Variants in BCAS1 observed in about 807,000 individuals in gnomAD.
BCAS1 encodes the protein breast carcinoma-amplified sequence 1.
BCAS1 carries 46 observed loss-of-function variants against 65.4 expected under a neutral mutation model. That is an observed-to-expected ratio of 0.70 (90% confidence interval 0.55 to 0.90). The LOEUF is 0.90. BCAS1 is among the 40% of genes least tolerant of loss of function. The probability of loss-of-function intolerance (pLI) is 0.00; values close to 1 mark genes in which losing one functional copy is unlikely to be tolerated. For missense variants in BCAS1, 793 were observed against 771.2 expected (o/e 1.03, Z -0.33); for synonymous variants, 298 against 293.5 (o/e 1.02, Z -0.16).
At chr20:54,055,666 A>C (rs1396172764) in intron 3 of BCAS1, among the ~76,000 whole-genome samples, 1 of 152,222 alleles carries the variant, frequency 6.6e-6, no homozygotes, top group Non-Finnish European at 1.5e-5. Context: ...TATCTAAAAA[A>C]GTGAAAGAAG....
chr20:54,059,898 T>C (rs1056514215), intron 1 of BCAS1, among the ~76,000 whole-genome samples: 6 of 151,594 alleles, frequency 4.0e-5, no homozygotes, highest in Non-Finnish European at 5.9e-5. Flanking sequence ...AGTGTATGAC[T>C]GTGTCTATTG....
intron 12 of BCAS1, among the ~76,000 whole-genome samples, chr20:53,946,518 TATAC>T (rs1441667274): frequency 7.1e-5 from 9 of 126,100 alleles, no homozygotes; most frequent in African/African-American, 3.2e-4. Context: ...TATATATATA[TATAC>T]ACACACACAT....
chr20:54,058,683 T>C lies in BCAS1; in HGVS notation c.36A>G (p.Glu12=), dbSNP rs376460816. ...GNQMSVPQRV[E]DQENEPEAET... ...CTGCTTCTGGTTCATTCTCTTGGTCTTCAACTCTTTGGGGAACACTCATTT... is the reference window on the plus strand; with the variant it reads ...CTGCTTCTGGTTCATTCTCTTGGTCCTCAACTCTTTGGGGAACACTCATTT... The change falls in exon 2 of 13, where the codon GAA becomes GAG. Residue 12 remains glutamate (E), a synonymous_variant. Coordinates refer to ENST00000688948, the MANE Select transcript of BCAS1 (RefSeq NM_001366298.2). 1.2e-6 allele frequency: 2 copies of C among 1,611,830 alleles called. No individual in the cohort carries two copies. The highest frequency in any genetic ancestry group is 2.7e-5 in the African/African-American group (2 of 74,660).
intron 3 of BCAS1, among the ~76,000 whole-genome samples, chr20:54,035,286 G>A (rs1283370588): frequency 6.7e-6 from 1 of 149,874 alleles, no homozygotes; most frequent in African/African-American, 2.4e-5. Context: ...TGTAGTCCCA[G>A]CTACTTGGAG....
chr20:54,049,586 T>A (rs920516957), intron 3 of BCAS1, among the ~76,000 whole-genome samples: 15 of 151,644 alleles, frequency 9.9e-5, no homozygotes, highest in South Asian at 4.2e-4. Context: ...TTTTTTTTTT[T>A]AAATAGAGAT....
chr20:53,969,845 C>T (rs776749914), intron 9 of BCAS1, among the ~76,000 whole-genome samples: 1 of 152,128 alleles, frequency 6.6e-6, no homozygotes, highest in Non-Finnish European at 1.5e-5. Context: ...GTATTTTGAT[C>T]CCCTACCTCA....
intron 8 of BCAS1, among the ~76,000 whole-genome samples, chr20:53,983,225 G>C (rs1568841780): frequency 6.6e-6 from 1 of 152,142 alleles, no homozygotes; most frequent in Non-Finnish European, 1.5e-5. Flanking sequence ...AGTATAGAAA[G>C]ATAAAGACGT....
chr20:54,023,118 T>C (rs1438456347), intron 4 of BCAS1, among the ~76,000 whole-genome samples: 5 of 152,276 alleles, frequency 3.3e-5, no homozygotes, highest in African/African-American at 1.2e-4. Flanking sequence ...CTTGGCCTTC[T>C]AATGTTGAAA....
At chr20:54,063,105 G>A (rs1045769250) in intron 1 of BCAS1, among the ~76,000 whole-genome samples, 5 of 152,156 alleles carry the variant, frequency 3.3e-5, no homozygotes, top group African/African-American at 7.2e-5. Context: ...CCTGGAACTC[G>A]TAATAATGAT....
chr20:54,036,232 T>C (rs573929670), intron 3 of BCAS1, among the ~76,000 whole-genome samples: 1 of 150,996 alleles, frequency 6.6e-6, no homozygotes, highest in East Asian at 1.9e-4. Flanking sequence ...GAACTTAAAA[T>C]AAAAGTTAAA....
intron 9 of BCAS1, 50 bp from the exon 10 acceptor site, chr20:53,967,123 C>T: frequency 6.3e-7 from 1 of 1,588,932 alleles, no homozygotes; most frequent in Non-Finnish European, 8.6e-7. Context: ...AACATTCCCC[C>T]AAAACATGTT....
intron 4 of BCAS1, among the ~76,000 whole-genome samples, chr20:54,012,312 A>C (rs968709294): frequency 2.6e-5 from 4 of 152,168 alleles, no homozygotes; most frequent in African/African-American, 9.6e-5. Context: ...GGGGATAAAA[A>C]TGTTCTCTAT....
At chr20:53,962,229 A>T (rs2089900003) in intron 10 of BCAS1, among the ~76,000 whole-genome samples, 1 of 152,226 alleles carries the variant, frequency 6.6e-6, no homozygotes, top group Non-Finnish European at 1.5e-5. Flanking sequence ...CTCCAATAGT[A>T]CATTTCAACA....
intron 1 of BCAS1, among the ~76,000 whole-genome samples, chr20:54,066,084 T>A (rs891479188): frequency 6.6e-6 from 1 of 151,804 alleles, no homozygotes; most frequent in South Asian, 2.1e-4. Flanking sequence ...TTTCTTTTTT[T>A]TTTTTTGAGG....
At chr20:54,017,568 G>A (rs775233823) in intron 4 of BCAS1, among the ~76,000 whole-genome samples, 54 of 152,014 alleles carry the variant, frequency 3.6e-4, no homozygotes, top group Non-Finnish European at 6.2e-4. Flanking sequence ...GCTAATTTTT[G>A]TATTTTTAGT....
intron 11 of BCAS1, 50 bp from the exon 12 acceptor site, chr20:53,953,745 T>A (rs763297272): frequency 1.3e-6 from 2 of 1,568,674 alleles, no homozygotes; most frequent in Non-Finnish European, 1.7e-6. Context: ...AGGACAACTC[T>A]CAATAGCAAG....
At chr20:54,011,946 C>T (rs1228278277) in intron 4 of BCAS1, among the ~76,000 whole-genome samples, 2 of 152,172 alleles carry the variant, frequency 1.3e-5, no homozygotes, top group African/African-American at 2.4e-5. Context: ...GAATTATATT[C>T]ACACAAAAAC....
chr20:53,961,630 T>C (rs2089879784), intron 10 of BCAS1, among the ~76,000 whole-genome samples: 1 of 152,220 alleles, frequency 6.6e-6, no homozygotes, highest in Admixed American at 6.5e-5. Flanking sequence ...AAATGGTACT[T>C]CCATAGAACA....
intron 7 of BCAS1, among the ~76,000 whole-genome samples, chr20:53,989,037 AG>A (rs1427185167): frequency 6.6e-6 from 1 of 152,216 alleles, no homozygotes; most frequent in Non-Finnish European, 1.5e-5. Flanking sequence ...TGTTCTTGGG[AG>A]AAGGGTTATG....
Sources: gnomAD v4.1 joint callset for allele counts (sites outside exome capture counted in the v4.1 genomes callset) on GRCh38, gnomAD v4.1.1 for gene constraint, MANE v1.5 for transcripts, NCBI Gene and HGNC (gene_info 2026-07-23, HGNC 2026-07-21) for gene names.